The following MRPL53 variants were observed in gnomAD, a reference collection of about 807,000 sequenced individuals.
The protein encoded by MRPL53 is mitochondrial ribosomal protein L53.
MRPL53 carries 7 observed loss-of-function variants against 7.5 expected under a neutral mutation model. That is an observed-to-expected ratio of 0.93 (90% CI 0.53 to 1.75). The LOEUF (loss-of-function observed/expected upper bound fraction) is 1.75. MRPL53 is among the 40% of genes most tolerant of loss of function. The probability of loss-of-function intolerance (pLI) is 0.00; values close to 1 mark genes in which losing one functional copy is unlikely to be tolerated. For synonymous variants in MRPL53, 84 were observed against 64.4 expected (o/e 1.30, Z -1.46); for missense variants, 185 against 159.0 (o/e 1.16, Z -0.88).
Position 74,472,115 on chromosome 2 carries a change from G to A in MRPL53, c.*4C>T. 6.2e-7 allele frequency: 1 copy of A among 1,613,756 alleles called. No individual in the cohort carries two copies. The highest frequency in any genetic ancestry group is 8.5e-7 in the Non-Finnish European group (1 of 1,179,960). Reference sequence around the variant, plus strand: ...AAATCATCTTGTTGGTCTCTTTGGCGCTGTCAGCGACCAGTATCAGCGCCC... The same window carrying A: ...AAATCATCTTGTTGGTCTCTTTGGCACTGTCAGCGACCAGTATCAGCGCCC... On this transcript the variant is annotated 3_prime_UTR_variant, in exon 3 of 3. Coordinates refer to ENST00000258105, the MANE Select transcript of MRPL53 (RefSeq NM_053050.5).
intron 2 of MRPL53, 49 bp from the exon 3 acceptor site, chr2:74,472,301 G>C: frequency 6.2e-7 from 1 of 1,612,388 alleles, no homozygotes; most frequent in African/African-American, 1.3e-5. Flanking sequence ...CAGTGCTGGG[G>C]CTTAGGGGCG....
In MRPL53 at chr2:74,472,655, T is replaced by G. The variant is rs778931418; in HGVS notation, c.6A>C (p.Ala2=). Residue 2 remains alanine, a synonymous_variant, in exon 1 of 3, where the codon GCA becomes GCC. Transcript: ENST00000258105. M[A]AALARLGLRP... ...GCAGACCAAGCCGAGCCAAGGCAGC[T>G]GCCATGGTGACCTCCGCCCCGGAAG... is the stretch of plus-strand genomic sequence containing the variant. 2 of 1,614,232 alleles carry G rather than the reference T, an allele frequency of 1.2e-6. No homozygotes were observed. The highest frequency in any genetic ancestry group is 2.7e-5 in the African/African-American group (2 of 75,068).
At position 74,472,472 on chromosome 2, in the gene MRPL53, T is replaced by C. The variant is rs1672203553; in HGVS notation, c.93-2A>G. ...CTGCTCACCGTCTGCAGGAAGGTCCTACGGTGGAAAAACAGAGGAGCGCCA... is the reference window on the plus strand; with the variant it reads ...CTGCTCACCGTCTGCAGGAAGGTCCCACGGTGGAAAAACAGAGGAGCGCCA... On this transcript the variant is annotated splice_acceptor_variant, in intron 1 of 2. Transcript: ENST00000258105. LOFTEE classifies it high-confidence loss of function. The C allele has an allele frequency of 6.2e-7, 1 of 1,614,010 alleles. No individual in the cohort carries two copies. Among genetic ancestry groups the C allele is most frequent in the Non-Finnish European group, 8.5e-7 (1 of 1,179,862 alleles).
chr2:74,472,437 G>C lies in MRPL53; in HGVS notation c.126C>G (p.Val42=). The C allele has an allele frequency of 6.2e-7, 1 of 1,613,978 alleles. No individual in the cohort carries two copies. Among genetic ancestry groups the C allele is most frequent in the Non-Finnish European group, 8.5e-7 (1 of 1,179,902 alleles). Residue 42 remains valine (V), a synonymous_variant, in exon 2 of 3, where the codon GTC becomes GTG. Coordinates refer to ENST00000258105, the MANE Select transcript of MRPL53 (RefSeq NM_053050.5). ...CTGAGCAGTTGAGATTAGTGGAGCG[G>C]ACCTTCTCACTGCTCACCGTCTGCA... ...TFLQTVSSEK[V]RSTNLNCSVI...
At chr2:74,472,518 G>A (rs1672205064) in intron 1 of MRPL53, 48 bp from the exon 2 acceptor site, 1 of 1,613,608 alleles carries the variant, frequency 6.2e-7, no homozygotes. Context: ...TTAAAGCCCC[G>A]GCTGAAGGAA....
At position 74,472,489 on chromosome 2, in the gene MRPL53, G is replaced by C; in HGVS notation, c.93-19C>G. The C allele has an allele frequency of 6.2e-7, 1 of 1,613,880 alleles. No individual in the cohort carries two copies. The highest frequency in any genetic ancestry group is 8.5e-7 in the Non-Finnish European group (1 of 1,179,754). ...GAAGGTCCTACGGTGGAAAAACAGA[G>C]GAGCGCCAAGCTGAGGGCTTAAAGC... On this transcript the variant is annotated intron_variant, in intron 1 of 2. Coordinates refer to ENST00000258105, the MANE Select transcript of MRPL53 (RefSeq NM_053050.5).
rs1002107829 is a variant in MRPL53 at position 74,472,086 on chromosome 2, G to A, written c.*33C>T. The A allele has an allele frequency of 8.1e-6, 13 of 1,611,506 alleles. No homozygotes were observed. Among genetic ancestry groups the A allele is most frequent in the Admixed American group, 3.3e-5 (2 of 59,934 alleles). On this transcript the variant is annotated 3_prime_UTR_variant, in exon 3 of 3. Coordinates refer to ENST00000258105, the MANE Select transcript of MRPL53 (RefSeq NM_053050.5). ...TCTTAGGTTAAGTGTCCTAGTCCAC[G>A]CTAAAATCATCTTGTTGGTCTCTTT...
intron 2 of MRPL53, 29 bp from the exon 3 acceptor site, chr2:74,472,281 G>T: frequency 1.2e-6 from 2 of 1,613,672 alleles, no homozygotes; most frequent in Non-Finnish European, 1.7e-6. Flanking sequence ...AGTGAGACAG[G>T]GAGGGACCGC....
rs377509724 is a variant in MRPL53 at position 74,472,247 on chromosome 2, C to T, written c.211G>A (p.Gly71Arg). 4 of 1,614,108 alleles carry T rather than the reference C, an allele frequency of 2.5e-6. No homozygotes were observed. The highest frequency in any genetic ancestry group is 2.2e-5 in the South Asian group (2 of 91,086). The part of the protein sequence containing the change: ...EPCVDVLFGD[G>R]HRLIMRGAHL... ...GCGCCGCGCATAATCAGGCGATGCC[C>T]GTCTCCTGGGGAAGAAACAAACGAG... is the stretch of plus-strand genomic sequence containing the variant. The change falls in exon 3 of 3, where the codon GGG becomes AGG. Residue 71 changes from glycine (G) to arginine (R), a missense_variant. Transcript: ENST00000258105.
chr2:74,472,125 A>G lies in MRPL53; in HGVS notation c.333T>C (p.Gly111=), dbSNP rs768178943. 6.2e-7 allele frequency: 1 copy of G among 1,613,872 alleles called. No homozygotes were observed. The highest frequency in any genetic ancestry group is 8.5e-7 in the Non-Finnish European group (1 of 1,180,030). ...GTTGGTCTCTTTGGCGCTGTCAGCG[A>G]CCAGTATCAGCGCCCGGCTTGTCCC... The part of the protein sequence containing the change: ...GSGDKPGADT[G]R Residue 111 remains glycine (G), a synonymous_variant, in exon 3 of 3, where the codon GGT becomes GGC. Coordinates refer to ENST00000258105, the MANE Select transcript of MRPL53 (RefSeq NM_053050.5).
At position 74,472,141 on chromosome 2, in the gene MRPL53, G is replaced by A. The variant is rs773890839; in HGVS notation, c.317C>T (p.Pro106Leu). The A allele has an allele frequency of 2.5e-6, 4 of 1,614,006 alleles. No individual in the cohort carries two copies. The highest frequency in any genetic ancestry group is 3.3e-5 in the Admixed American group (2 of 60,006). ...CTGTCAGCGACCAGTATCAGCGCCC[G>A]GCTTGTCCCCGCTGCCCGCCGCGTC... ...ARDAAGSGDK[P>L]GADTGR The change falls in exon 3 of 3, where the codon CCG becomes CTG. Residue 106 changes from proline (P) to leucine (L), a missense_variant. Transcript: ENST00000258105.
At position 74,472,391 on chromosome 2, in the gene MRPL53, C is replaced by A. The variant is rs114954370; in HGVS notation, c.172G>T (p.Asp58Tyr). The A allele has an allele frequency of 1.2e-4, 193 of 1,614,052 alleles. No homozygotes were observed. The highest frequency in any genetic ancestry group is 1.6e-4 in the Non-Finnish European group (189 of 1,179,944). Residue 58 changes from aspartate (D) to tyrosine (Y), a missense_variant, in exon 2 of 3, where the codon GAC (aspartate) becomes TAC (tyrosine). By Grantham distance (160) the Asp-to-Tyr change is radical. Coordinates refer to ENST00000258105, the MANE Select transcript of MRPL53 (RefSeq NM_053050.5). ...NCSVIADVRH[D>Y]GSEPCVDVLF... ...ACGTCCACGCAGGGCTCGGAGCCGT[C>A]ATGCCTCACGTCCGCAATCACTGAG...
chr2:74,472,185 G>A lies in MRPL53; in HGVS notation c.273C>T (p.Ala91=). 2.5e-6 allele frequency: 4 copies of A among 1,614,204 alleles called. No individual in the cohort carries two copies. The highest frequency in any genetic ancestry group is 1.3e-5 in the African/African-American group (1 of 75,048). The change falls in exon 3 of 3, where the codon GCC becomes GCT. Residue 91 remains alanine (A), a synonymous_variant. Transcript: ENST00000258105. ...CCGCGTCCCTGGCCCGGATGTGGGA[G>A]GCGAAGGCGGTGAGCATTTCCAGAG... ...LTALEMLTAF[A]SHIRARDAAG...
At position 74,472,598 on chromosome 2, in the gene MRPL53, A is replaced by T; in HGVS notation, c.63T>A (p.Cys21Ter). The T allele has an allele frequency of 6.2e-7, 1 of 1,614,210 alleles. No homozygotes were observed. The highest frequency in any genetic ancestry group is 8.5e-7 in the Non-Finnish European group (1 of 1,180,038). ...TCGATTCCACGTTTTTCTCGAAGGGACAGAACTGAACCCGAACCTGTTTGA... is the reference window on the plus strand; with the variant it reads ...TCGATTCCACGTTTTTCTCGAAGGGTCAGAACTGAACCCGAACCTGTTTGA... ...RPVKQVRVQF[C>*]PFEKNVESTR... Residue 21 changes from cysteine (C) to a stop codon, truncating the protein, a stop_gained, in exon 1 of 3, where the codon TGT becomes TGA. Transcript: ENST00000258105. LOFTEE classifies it high-confidence loss of function.
Position 74,472,138 on chromosome 2 carries a change from C to A in MRPL53, c.320G>T (p.Gly107Val). 2.5e-6 allele frequency: 4 copies of A among 1,614,126 alleles called. No homozygotes were observed. Among genetic ancestry groups the A allele is most frequent in the Non-Finnish European group, 3.4e-6 (4 of 1,180,040 alleles). The change falls in exon 3 of 3, where the codon GGC becomes GTC. Residue 107 changes from glycine to valine, a missense_variant. Coordinates refer to ENST00000258105, the MANE Select transcript of MRPL53 (RefSeq NM_053050.5). ...RDAAGSGDKP[G>V]ADTGR Reference sequence around the variant, plus strand: ...GCGCTGTCAGCGACCAGTATCAGCGCCCGGCTTGTCCCCGCTGCCCGCCGC... The same window carrying A: ...GCGCTGTCAGCGACCAGTATCAGCGACCGGCTTGTCCCCGCTGCCCGCCGC...
Position 74,472,617 on chromosome 2 carries a change from T to C in MRPL53, c.44A>G (p.Gln15Arg). The change falls in exon 1 of 3, where the codon CAG becomes CGG. Residue 15 changes from glutamine to arginine, a missense_variant. By Grantham distance (43) the Gln-to-Arg change is conservative. Transcript: ENST00000258105. Reference sequence around the variant, plus strand: ...GAAGGGACAGAACTGAACCCGAACCTGTTTGACAGGCCGCAGACCAAGCCG... The same window carrying C: ...GAAGGGACAGAACTGAACCCGAACCCGTTTGACAGGCCGCAGACCAAGCCG... ...LARLGLRPVK[Q>R]VRVQFCPFEK... is the part of the protein sequence containing the mutation. The C allele has an allele frequency of 6.2e-7, 1 of 1,614,226 alleles. No individual in the cohort carries two copies. Among genetic ancestry groups the C allele is most frequent in the Non-Finnish European group, 8.5e-7 (1 of 1,180,038 alleles).
Position 74,472,212 on chromosome 2 carries a change from G to C in MRPL53, c.246C>G (p.Thr82=), listed in dbSNP as rs199833153. 5 of 1,614,178 alleles carry C rather than the reference G, an allele frequency of 3.1e-6. No homozygotes were observed. The highest frequency in any genetic ancestry group is 1.6e-4 in the Middle Eastern group (1 of 6,062). The change falls in exon 3 of 3, where the codon ACC becomes ACG. Residue 82 remains threonine, a synonymous_variant. Transcript: ENST00000258105. ...HRLIMRGAHL[T]ALEMLTAFAS... ...CGAAGGCGGTGAGCATTTCCAGAGC[G>C]GTGAGATGAGCGCCGCGCATAATCA...
rs1469429312 is a variant in MRPL53 at position 74,472,348 on chromosome 2, C to T, written c.205+10G>A. On this transcript the variant is annotated intron_variant, in intron 2 of 2. Transcript: ENST00000258105. ...CGCTGTTCCCTCCTGCCCGTCTCCACCAAGCCCACCGAACAGCACGTCCAC... is the reference window on the plus strand; with the variant it reads ...CGCTGTTCCCTCCTGCCCGTCTCCATCAAGCCCACCGAACAGCACGTCCAC... 1.2e-6 allele frequency: 2 copies of T among 1,613,494 alleles called. No homozygotes were observed. The highest frequency in any genetic ancestry group is 1.3e-5 in the African/African-American group (1 of 75,000).
chr2:74,472,550 A>G lies in MRPL53; in HGVS notation c.92+19T>C, dbSNP rs771088613. 3.1e-6 allele frequency: 5 copies of G among 1,614,046 alleles called. No individual in the cohort carries two copies. Among genetic ancestry groups the G allele is most frequent in the Non-Finnish European group, 4.2e-6 (5 of 1,179,886 alleles). On this transcript the variant is annotated intron_variant, in intron 1 of 2. Transcript: ENST00000258105. ...GGAAGGCGCACCACTTCCCGCTTCT[A>G]CCCACTTCCCCTTCGTACCTCGTCG...
Sources: allele counts gnomAD v4.1 joint callset, GRCh38; gene constraint gnomAD v4.1.1; transcripts MANE v1.5; gene names NCBI Gene and HGNC (gene_info 2026-07-23, HGNC 2026-07-21).